ITPR2: variants seen among roughly 807,000 people sequenced by gnomAD.
The protein encoded by ITPR2 is inositol 1,4,5-trisphosphate receptor type 2.
A neutral mutation model predicts 317.1 loss-of-function variants in ITPR2; 207 were observed. That is an observed-to-expected ratio of 0.65 (90% CI 0.58 to 0.73). The LOEUF is 0.73. Among genes scored for constraint, ITPR2 ranks in the 30% least tolerant of loss-of-function variants. The pLI is 0.00. For missense variants in ITPR2, 2,613 were observed against 3,284.0 expected, an observed-to-expected ratio of 0.80 and a Z score of 4.99; for synonymous variants, 1,156 against 1,149.1, an observed-to-expected ratio of 1.01 and a Z score of -0.12.
chr12:26,464,549 G>A (rs777177778), intron 45 of ITPR2, among the ~76,000 whole-genome samples: 2 of 152,180 alleles, frequency 1.3e-5, no homozygotes, highest in African/African-American at 2.4e-5. Flanking sequence ...TCTGGAGCCC[G>A]GGGGTTGGGG....
At chr12:26,477,052 T>C (rs1942434155) in intron 43 of ITPR2, 45 bp from the exon 44 acceptor site, 1 of 1,218,642 alleles carries the variant, frequency 8.2e-7, no homozygotes, top group South Asian at 1.3e-5. Flanking sequence ...GTCTATTTCA[T>C]GGATTAACGA....
intron 2 of ITPR2, among the ~76,000 whole-genome samples, chr12:26,760,940 C>T (rs1949620007): frequency 6.6e-6 from 1 of 152,192 alleles, no homozygotes; most frequent in Non-Finnish European, 1.5e-5. Context: ...GTCCCAGGCA[C>T]CAGGCTGGCA....
intron 2 of ITPR2, among the ~76,000 whole-genome samples, chr12:26,728,538 G>T (rs1477111141): frequency 4.6e-5 from 7 of 152,172 alleles, no homozygotes; most frequent in African/African-American, 1.7e-4. Context: ...GATAATAGGA[G>T]AGAAGGTGGG....
At position 26,760,247 on chromosome 12, in the gene ITPR2, ATAC is replaced by A. The variant is rs1949606260; in HGVS notation, c.163+29907_163+29909del. On this transcript the variant is annotated intron_variant, in intron 2 of 56. Transcript: ENST00000381340. ...GAATTCATAGATGTAGAACCTATGG[ATAC>A]TACTGTATATATTAACATACACATC... Among the ~76,000 whole-genome samples the A allele has an allele frequency of 2.0e-5, 3 of 152,214 alleles. No homozygotes were observed. The South Asian group carries it at 6.2e-4, about 32-fold the overall frequency.
chr12:26,775,959 T>TATATATATATATATA (rs1263788006), intron 2 of ITPR2, among the ~76,000 whole-genome samples: 11 of 145,150 alleles, frequency 7.6e-5, no homozygotes, highest in Non-Finnish European at 1.4e-4. Context: ...TATATGTATA[T>TATATATATATATATA]CCTATTAGTT....
At position 26,632,009 on chromosome 12, in the gene ITPR2, T is replaced by A; in HGVS notation, c.2791A>T (p.Met931Leu). The change falls in exon 22 of 57, where the codon ATG (methionine) becomes TTG (leucine). Residue 931 changes from methionine to leucine, a missense_variant. Physicochemically the swap from Met to Leu is conservative, Grantham distance 15 (BLOSUM62 2). Around this residue, in one of 9 missense-constraint regions of ITPR2, gnomAD observed 817 missense variants for 897.6 expected, o/e 0.91. Transcript: ENST00000381340. ...IHGVGEMMTQMVLSRGSIFPM... is the reference protein window; with the variant it reads ...IHGVGEMMTQLVLSRGSIFPM... ...AAGATGGAGCCTCTACTGAGTACCATCTGGGTCATCATCTCTCCCACCCCA... is the reference window on the plus strand; with the variant it reads ...AAGATGGAGCCTCTACTGAGTACCAACTGGGTCATCATCTCTCCCACCCCA... The A allele has an allele frequency of 6.2e-7, 1 of 1,605,516 alleles. No homozygotes were observed. Among genetic ancestry groups the A allele is most frequent in the Non-Finnish European group, 8.5e-7 (1 of 1,176,706 alleles).
chr12:26,361,333 T>C (rs1455062944), intron 55 of ITPR2, among the ~76,000 whole-genome samples: 1 of 152,222 alleles, frequency 6.6e-6, no homozygotes, highest in Non-Finnish European at 1.5e-5. Flanking sequence ...GGTCTAGCTA[T>C]GATTTAATCC....
chr12:26,500,398 G>T (rs1943043249), intron 37 of ITPR2, among the ~76,000 whole-genome samples: 1 of 152,156 alleles, frequency 6.6e-6, no homozygotes, highest in African/African-American at 2.4e-5. Context: ...TGACTTCTGT[G>T]CTGGTTCTTC....
chr12:26,477,896 G>A (rs539777909), intron 43 of ITPR2, among the ~76,000 whole-genome samples: 1 of 152,110 alleles, frequency 6.6e-6, no homozygotes, highest in South Asian at 2.1e-4. Context: ...TAAATATCCA[G>A]GATTTATTTC....
chr12:26,436,441 AT>A (rs1332492739), intron 47 of ITPR2, 95 bp from the exon 48 acceptor site: 6 of 1,106,156 alleles, frequency 5.4e-6, no homozygotes, highest in Non-Finnish European at 7.7e-6. Flanking sequence ...TAAATGCATC[AT>A]TTTTGTAAAC....
intron 1 of ITPR2, among the ~76,000 whole-genome samples, chr12:26,798,535 C>T (rs1028960656): frequency 1.3e-5 from 2 of 152,148 alleles, no homozygotes; most frequent in South Asian, 2.1e-4. Context: ...ATTCATTCAC[C>T]GTAGTCTTAG....
chr12:26,774,436 C>A (rs1274954049), intron 2 of ITPR2, among the ~76,000 whole-genome samples: 3 of 152,148 alleles, frequency 2.0e-5, no homozygotes, highest in Non-Finnish European at 2.9e-5. Context: ...GCCAGGAGTT[C>A]GAAACCAGCC....
chr12:26,781,332 T>G (rs1950073180), intron 2 of ITPR2, among the ~76,000 whole-genome samples: 1 of 152,228 alleles, frequency 6.6e-6, no homozygotes, highest in Non-Finnish European at 1.5e-5. Context: ...TTCCTCCTCC[T>G]TTTGCTAAAA....
intron 45 of ITPR2, among the ~76,000 whole-genome samples, chr12:26,468,692 A>T (rs1197216392): frequency 6.6e-6 from 1 of 152,210 alleles, no homozygotes; most frequent in African/African-American, 2.4e-5. Context: ...AGTTTTTTAA[A>T]TTATAATACT....
intron 55 of ITPR2, among the ~76,000 whole-genome samples, chr12:26,371,021 TTC>T (rs778506671): frequency 4.6e-5 from 7 of 152,210 alleles, no homozygotes; most frequent in Non-Finnish European, 1.0e-4. Context: ...TTCAATTTCA[TTC>T]TGTTTTCTCT....
At chr12:26,541,885 TAA>T (rs796499618) in intron 37 of ITPR2, among the ~76,000 whole-genome samples, 16 of 144,582 alleles carry the variant, frequency 1.1e-4, no homozygotes, top group African/African-American at 3.8e-4. Flanking sequence ...ATTTTAGAGT[TAA>T]AAAAAAAAAA....
Position 26,486,139 on chromosome 12 carries a change from G to A in ITPR2, c.5776C>T (p.Gln1926Ter). 6.2e-7 allele frequency: 1 copy of A among 1,614,102 alleles called. No individual in the cohort carries two copies. Among genetic ancestry groups the A allele is most frequent in the Non-Finnish European group, 8.5e-7 (1 of 1,179,988 alleles). Residue 1926 changes from glutamine (Q) to a stop codon, truncating the protein, a stop_gained, in exon 41 of 57, where the codon CAG (glutamine) becomes TAG (stop). Coordinates refer to ENST00000381340, the MANE Select transcript of ITPR2 (RefSeq NM_002223.4). LOFTEE classifies it high-confidence loss of function. ...CGGTTGTGATTCTCACACAGTAACT[G>A]AAGAAATCTCAGTATTGGCTGCATG... is the stretch of plus-strand genomic sequence containing the variant. ...AIMQPILRFLQLLCENHNREL... is the reference protein window; with the variant it reads ...AIMQPILRFL
chr12:26,431,986 C>T (rs1275593710), intron 48 of ITPR2, among the ~76,000 whole-genome samples: 2 of 151,972 alleles, frequency 1.3e-5, no homozygotes, highest in African/African-American at 4.8e-5. Flanking sequence ...GCTTCTATAC[C>T]GAGTCAAGGA....
At chr12:26,344,431 T>C (rs1565481121) in intron 55 of ITPR2, among the ~76,000 whole-genome samples, 1 of 151,956 alleles carries the variant, frequency 6.6e-6, no homozygotes. Context: ...TGCAAAAAGG[T>C]TCCAAAAGAA....
Sources: gnomAD v4.1 joint callset for allele counts (sites outside exome capture counted in the v4.1 genomes callset) on GRCh38, gnomAD v4.1.1 for gene constraint, gnomAD v4.1.1 regional missense constraint, MANE v1.5 for transcripts, NCBI Gene and HGNC (gene_info 2026-07-23, HGNC 2026-07-21) for gene names.